Variants in SGCG observed in about 807,000 individuals in gnomAD.
SGCG encodes gamma-sarcoglycan.
SGCG carries 26 observed loss-of-function variants against 29.3 expected under a neutral mutation model. The ratio of observed to expected loss-of-function variants is 0.89; its 90% confidence interval spans 0.65 to 1.23. SGCG has a LOEUF of 1.23. SGCG is among the 50% of genes most tolerant of loss of function. The pLI is 0.00. For missense variants in SGCG, 353 were observed against 356.0 expected (o/e 0.99, Z 0.07); for synonymous variants, 145 against 129.7 (o/e 1.12, Z -0.80).
chr13:23,260,641 C>T (rs1428171290), intron 4 of SGCG, among the ~76,000 whole-genome samples: 3 of 152,198 alleles, frequency 2.0e-5, no homozygotes, highest in Admixed American at 1.3e-4. Context: ...TTGCTAGCAT[C>T]GATGGTCTTT....
chr13:23,187,218 C>G (rs2137473019), intron 1 of SGCG, among the ~76,000 whole-genome samples: 1 of 152,306 alleles, frequency 6.6e-6, no homozygotes, highest in South Asian at 2.1e-4. Flanking sequence ...GTGAGCCACT[C>G]TCGCTATGGT....
intron 6 of SGCG, among the ~76,000 whole-genome samples, chr13:23,311,515 A>T (rs1429382965): frequency 6.6e-6 from 1 of 152,192 alleles, no homozygotes; most frequent in Non-Finnish European, 1.5e-5. Flanking sequence ...CCCTTGATAA[A>T]GTCACTTTTC....
chr13:23,233,838 G>A (rs1043117112), intron 2 of SGCG, among the ~76,000 whole-genome samples: 3 of 152,174 alleles, frequency 2.0e-5, no homozygotes, highest in African/African-American at 7.2e-5. Flanking sequence ...TAGGGAGGAC[G>A]AGCCTGTTAG....
chr13:23,214,246 C>G (rs1878342114), intron 2 of SGCG, among the ~76,000 whole-genome samples: 1 of 152,154 alleles, frequency 6.6e-6, no homozygotes, highest in African/African-American at 2.4e-5. Flanking sequence ...TTCTTCCCTG[C>G]TATAAAAACC....
chr13:23,220,936 C>T (rs553720740), intron 2 of SGCG, among the ~76,000 whole-genome samples: 55 of 152,244 alleles, frequency 3.6e-4, no homozygotes, highest in Non-Finnish European at 7.1e-4. Flanking sequence ...TCCCTGTCTG[C>T]ATATATGAGC....
chr13:23,301,817 G>A (rs762201575), intron 6 of SGCG, among the ~76,000 whole-genome samples: 12 of 151,742 alleles, frequency 7.9e-5, no homozygotes, highest in East Asian at 1.9e-4. Flanking sequence ...GCTTGAACCC[G>A]GGAGGCAGAG....
intron 5 of SGCG, among the ~76,000 whole-genome samples, chr13:23,285,874 C>T (rs1468220160): frequency 1.3e-5 from 2 of 152,186 alleles, no homozygotes; most frequent in African/African-American, 4.8e-5. Context: ...AGTTCTCCAA[C>T]CCCTTGCACT....
At chr13:23,231,939 C>A (rs4770416) in intron 2 of SGCG, among the ~76,000 whole-genome samples, 2,792 of 151,998 alleles carry the variant, frequency 0.018, 39 homozygotes, top group Middle Eastern at 0.031. Context: ...GCCAACATGA[C>A]GAAACCCCAT....
the SGCG span, among the ~76,000 whole-genome samples, chr13:23,164,723 C>G: frequency 6.6e-6 from 1 of 152,120 alleles, no homozygotes; most frequent in Non-Finnish European, 1.5e-5. Context: ...AAGCTTGACA[C>G]AGTCCGTCTC....
At chr13:23,258,076 C>A (rs2137580989) in intron 4 of SGCG, among the ~76,000 whole-genome samples, 2 of 152,218 alleles carry the variant, frequency 1.3e-5, no homozygotes, top group Middle Eastern at 6.8e-3. Flanking sequence ...TTTTCCAATT[C>A]TGTGAAGAAA....
At chr13:23,244,213 A>G (rs1397741003) in intron 3 of SGCG, 1 of 152,204 alleles carries the variant, frequency 6.6e-6, no homozygotes, top group Non-Finnish European at 1.5e-5. Flanking sequence ...TCATATCAGG[A>G]TTACGATAAC....
the SGCG span, among the ~76,000 whole-genome samples, chr13:23,171,233 A>G: frequency 1.3e-5 from 2 of 152,190 alleles, no homozygotes; most frequent in Admixed American, 6.5e-5. Flanking sequence ...ACCATTTAAC[A>G]TGTATTTTAC....
intron 7 of SGCG, among the ~76,000 whole-genome samples, chr13:23,322,892 C>G (rs1883105176): frequency 6.6e-6 from 1 of 151,894 alleles, no homozygotes; most frequent in African/African-American, 2.4e-5. Flanking sequence ...TGTTTGAATT[C>G]AGGACTCTTA....
chr13:23,201,541 G>A (rs936037400), intron 1 of SGCG, among the ~76,000 whole-genome samples: 3 of 152,110 alleles, frequency 2.0e-5, no homozygotes, highest in Non-Finnish European at 4.4e-5. Context: ...AGCAAGGAAC[G>A]TGGGCAGCTT....
At chr13:23,165,993 G>T in the SGCG span, among the ~76,000 whole-genome samples, 2 of 152,068 alleles carry the variant, frequency 1.3e-5, no homozygotes, top group African/African-American at 4.8e-5. Flanking sequence ...TGTGAACACG[G>T]TTTTAGTTCT....
the SGCG span, among the ~76,000 whole-genome samples, chr13:23,171,358 C>A: frequency 2.0e-5 from 3 of 152,168 alleles, no homozygotes; most frequent in African/African-American, 7.2e-5. Context: ...AAGAAGATAA[C>A]TTACTTAACA....
At chr13:23,242,928 A>G (rs946887799) in intron 3 of SGCG, among the ~76,000 whole-genome samples, 1 of 152,190 alleles carries the variant, frequency 6.6e-6, no homozygotes, top group Non-Finnish European at 1.5e-5. Context: ...CAGTTTTCTT[A>G]CCTAGAAAAT....
intron 1 of SGCG, among the ~76,000 whole-genome samples, chr13:23,183,368 A>G (rs1172298731): frequency 6.6e-6 from 1 of 152,186 alleles, no homozygotes; most frequent in African/African-American, 2.4e-5. Context: ...TGCTTCTCAC[A>G]GTCCCCTAAG....
intron 6 of SGCG, among the ~76,000 whole-genome samples, chr13:23,299,861 A>C (rs573450637): frequency 6.6e-6 from 1 of 152,284 alleles, no homozygotes; most frequent in African/African-American, 2.4e-5. Context: ...TTCTTTTTTA[A>C]AAAGTCAGCA....
Sources: allele counts gnomAD v4.1 joint callset (sites outside exome capture counted in the v4.1 genomes callset), GRCh38; gene constraint gnomAD v4.1.1; transcripts MANE v1.5; gene names NCBI Gene and HGNC (gene_info 2026-07-23, HGNC 2026-07-21).